ITGB7: variants seen among roughly 807,000 people sequenced by gnomAD.
ITGB7 encodes integrin beta-7.
In ITGB7, 55 loss-of-function variants were observed where a neutral mutation model predicts 83.4. The ratio of observed to expected loss-of-function variants is 0.66; its 90% CI spans 0.53 to 0.83. The LOEUF is 0.83. Ranked by LOEUF, ITGB7 falls within the 40% of genes least tolerant of loss-of-function variation. The pLI is 0.00. For missense variants in ITGB7, 921 were observed against 1,046.7 expected (o/e 0.88, Z 1.66); for synonymous variants, 454 against 423.6 (o/e 1.07, Z -0.88).
At chr12:53,197,077 T>C (rs757185941) in intron 5 of ITGB7, 2 of 563,606 alleles carry the variant, frequency 3.5e-6, no homozygotes, top group Middle Eastern at 4.7e-4. Flanking sequence ...GGCCCGGGTA[T>C]AGGATATGGT....
At chr12:53,193,553 G>A (rs1306476265) in intron 11 of ITGB7, 155 bp downstream of exon 11, 2 of 769,622 alleles carry the variant, frequency 2.6e-6, no homozygotes, top group East Asian at 2.7e-5. Context: ...GGGAGGGCCT[G>A]GACATACATG....
At chr12:53,203,667 A>G (rs868677958) in intron 1 of ITGB7, among the ~76,000 whole-genome samples, 10,147 of 135,994 alleles carry the variant, frequency 0.075, 394 homozygotes, top group Non-Finnish European at 0.11. Flanking sequence ...AAAAAAAAAA[A>G]AAAAGAAAGA....
rs1306559995 is a variant in ITGB7, at chr12:53,202,351, T to G, written c.-126-1157A>C. Among the ~76,000 whole-genome samples the G allele has an allele frequency of 2.0e-5, 3 of 151,998 alleles. No individual in the cohort carries two copies. The East Asian group carries it at 5.8e-4, about 30-fold the overall frequency. On this transcript the variant is annotated intron_variant, in intron 1 of 15. Coordinates refer to ENST00000267082, the MANE Select transcript of ITGB7 (RefSeq NM_000889.3). ...TGCAGCCTGGACAACAGAGTGAAAC[T>G]CTGTCTTTTTTGTTTTGTTTTGTTT...
At chr12:53,205,906 C>T (rs1942432649) in intron 1 of ITGB7, among the ~76,000 whole-genome samples, 1 of 152,150 alleles carries the variant, frequency 6.6e-6, no homozygotes, top group South Asian at 2.1e-4. Context: ...GAGGCCAGTC[C>T]CAGCTCAGCC....
rs1384208630 is a variant in ITGB7 at position 53,192,465 on chromosome 12, T to C, written c.2020A>G (p.Asn674Asp). Residue 674 changes from asparagine (N) to aspartate (D), a missense_variant, in exon 14 of 16, where the codon AAT becomes GAT. Transcript: ENST00000267082. Reference sequence around the variant, plus strand: ...ATAGGGGCCAAGGCCAGGGTCACATTGGTATGGGCACAAGCTGTACTGCAG... The same window carrying C: ...ATAGGGGCCAAGGCCAGGGTCACATCGGTATGGGCACAAGCTGTACTGCAG... Reference protein sequence around the residue: ...TNCSTACAHTNVTLALAPILD... With the variant: ...TNCSTACAHTDVTLALAPILD... The C allele has an allele frequency of 6.2e-7, 1 of 1,614,130 alleles. No individual in the cohort carries two copies. Among genetic ancestry groups the C allele is most frequent in the Non-Finnish European group, 8.5e-7 (1 of 1,180,032 alleles).
At chr12:53,200,921 T>C (rs1183163275) in intron 2 of ITGB7, among the ~76,000 whole-genome samples, 151 bp downstream of exon 2, 1 of 147,522 alleles carries the variant, frequency 6.8e-6, no homozygotes, top group Non-Finnish European at 1.5e-5. Context: ...AAAGCAAGAA[T>C]CTGTCTTAAA....
Position 53,193,786 on chromosome 12 carries a change from TCA to T in ITGB7, c.1422_1423del (p.Cys474Ter). 1.9e-6 allele frequency: 3 copies of T among 1,613,928 alleles called. No individual in the cohort carries two copies. Among genetic ancestry groups the T allele is most frequent in the Non-Finnish European group, 1.7e-6 (2 of 1,179,960 alleles). ...GGGCTGGGTGTCACTGCAATTACAG[TCA>T]CACAGCGTGTGCAACTCCACAATCA... On this transcript the variant is annotated stop_gained and frameshift_variant, in exon 11 of 16. Coordinates refer to ENST00000267082, the MANE Select transcript of ITGB7 (RefSeq NM_000889.3). LOFTEE classifies it high-confidence loss of function.
rs746451268 is a variant in ITGB7 at position 53,195,635 on chromosome 12, A to G, written c.1062T>C (p.Pro354=). 1 of 1,613,786 alleles carries G rather than the reference A, an allele frequency of 6.2e-7. No individual in the cohort carries two copies. Among genetic ancestry groups the G allele is most frequent in the Admixed American group, 1.7e-5 (1 of 60,024 alleles). ...TGTAGACAGCTCTCACCTGGTAGACAGGCAGTGCGGCACTGGTGACAGCAA... is the reference window on the plus strand; with the variant it reads ...TGTAGACAGCTCTCACCTGGTAGACGGGCAGTGCGGCACTGGTGACAGCAA... ...PIFAVTSAAL[P]VYQELSKLIP... Residue 354 remains proline (P), a synonymous_variant, in exon 8 of 16, where the codon CCT becomes CCC. Transcript: ENST00000267082.
In ITGB7 at chr12:53,200,341, G is replaced by C. The variant is rs143981621; in HGVS notation, c.103C>G (p.Arg35Gly). The C allele has an allele frequency of 2.4e-5, 39 of 1,613,996 alleles. No individual in the cohort carries two copies. The highest frequency in any genetic ancestry group is 3.3e-5 in the Non-Finnish European group (39 of 1,180,010). Residue 35 changes from arginine (R) to glycine (G), a missense_variant, in exon 3 of 16, where the codon CGG becomes GGG. Physicochemically the swap from Arg to Gly is moderately radical, Grantham distance 125. Coordinates refer to ENST00000267082, the MANE Select transcript of ITGB7 (RefSeq NM_000889.3). The part of the protein sequence containing the change: ...IPSTGDATEW[R>G]NPHLSMLGSC... Reference sequence around the variant, plus strand: ...CCCAGCATGGACAGGTGAGGATTCCGCCATTCTGTGGCATCCCCTGTGGAT... The same window carrying C: ...CCCAGCATGGACAGGTGAGGATTCCCCCATTCTGTGGCATCCCCTGTGGAT...
intron 10 of ITGB7, 48 bp downstream of exon 10, chr12:53,194,150 C>T (rs764818368): frequency 6.2e-6 from 10 of 1,611,244 alleles, no homozygotes; most frequent in Non-Finnish European, 8.5e-6. Context: ...TAATTTCCCA[C>T]TCCCACCTCC....
At chr12:53,194,162 C>G in intron 10 of ITGB7, 36 bp downstream of exon 10, 1 of 1,612,716 alleles carries the variant, frequency 6.2e-7, no homozygotes, top group Non-Finnish European at 8.5e-7. Flanking sequence ...CCCACCTCCC[C>G]CTGCCCGCCT....
At chr12:53,205,972 A>T (rs900433066) in intron 1 of ITGB7, among the ~76,000 whole-genome samples, 4 of 152,100 alleles carry the variant, frequency 2.6e-5, no homozygotes, top group African/African-American at 9.7e-5. Flanking sequence ...GAGGCTGGAG[A>T]TGCTGCAACC....
chr12:53,197,421 G>A (rs757496034), intron 5 of ITGB7, 72 bp downstream of exon 5: 9 of 1,562,916 alleles, frequency 5.8e-6, no homozygotes, highest in South Asian at 5.6e-5. Context: ...GTGAGTCCAG[G>A]ATGTTGGCAG....
chr12:53,193,937 C>G (rs937104628), intron 10 of ITGB7, 36 bp from the exon 11 acceptor site: 37 of 1,562,850 alleles, frequency 2.4e-5, no homozygotes, highest in Non-Finnish European at 3.2e-5. Context: ...TGGTTATACA[C>G]ATGCACACAC....
rs544549058 is a variant in ITGB7 at position 53,203,471 on chromosome 12, A to G, written c.-126-2277T>C. On this transcript the variant is annotated intron_variant, in intron 1 of 15. Transcript: ENST00000267082. ...AAGACCGGCCTGGGCAACATGGTGA[A>G]ACCCCATCTTTGCTAAAAATACAAA... Among the ~76,000 whole-genome samples the G allele has an allele frequency of 6.6e-5, 10 of 152,042 alleles. No homozygotes were observed. In the South Asian group the frequency reaches 2.1e-3, roughly 32 times the overall value.
Position 53,196,562 on chromosome 12 carries a change from C to A in ITGB7, c.816+17G>T. ...CAAACAGACCTCCAGGCTCAGATCC[C>A]CGCCCCACCTCCTCACCTGGCAGAG... On this transcript the variant is annotated intron_variant, in intron 6 of 15. Coordinates refer to ENST00000267082, the MANE Select transcript of ITGB7 (RefSeq NM_000889.3). 1 of 1,598,462 alleles carries A rather than the reference C, an allele frequency of 6.3e-7. No homozygotes were observed.
chr12:53,195,718 A>AGTCCTGGGACAGGGAGCAGGGAC lies in ITGB7; in HGVS notation c.976-20_978dup (p.Tyr327ValfsTer15). On this transcript the variant is annotated frameshift_variant, in exon 8 of 16. Transcript: ENST00000267082. LOFTEE classifies it high-confidence loss of function. ...TGGGCTACCTGACCCACAGAAGGGT[A>AGTCCTGGGACAGGGAGCAGGGAC]GTCCTGGGACAGGGAGCAGGGACAA... is the stretch of plus-strand genomic sequence containing the variant. 1 of 1,612,846 alleles carries AGTCCTGGGACAGGGAGCAGGGAC rather than the reference A, an allele frequency of 6.2e-7. No individual in the cohort carries two copies. Among genetic ancestry groups the AGTCCTGGGACAGGGAGCAGGGAC allele is most frequent in the Non-Finnish European group, 8.5e-7 (1 of 1,178,884 alleles).
rs370319146 is a variant in ITGB7, at chr12:53,193,153, G to C, written c.1713C>G (p.Gly571=). Residue 571 remains glycine, a synonymous_variant, in exon 12 of 16, where the codon GGC becomes GGG. Transcript: ENST00000267082. ...GGCTCCAGGTACCTCCGCAGAGGAT[G>C]CCCTCATGTCGCTCACAGCTGGCAT... ...CDDASCERHE[G]ILCGGFGRCQ... is the part of the protein sequence containing the mutation. 12 of 1,610,552 alleles carry C rather than the reference G, an allele frequency of 7.5e-6. No individual in the cohort carries two copies. Among genetic ancestry groups the C allele is most frequent in the African/African-American group, 5.3e-5 (4 of 74,866 alleles).
At chr12:53,203,297 G>C (rs1942358800) in intron 1 of ITGB7, among the ~76,000 whole-genome samples, 1 of 152,048 alleles carries the variant, frequency 6.6e-6, no homozygotes. Context: ...TAGACAAATA[G>C]CCACCCAGCA....
Sources: allele counts gnomAD v4.1 joint callset (sites outside exome capture counted in the v4.1 genomes callset), GRCh38; gene constraint gnomAD v4.1.1; transcripts MANE v1.5; gene names NCBI Gene and HGNC (gene_info 2026-07-23, HGNC 2026-07-21).